Variants in KCNMA1 observed in about 807,000 individuals in gnomAD.
KCNMA1 encodes Calcium-activated potassium channel subunit alpha-1.
In KCNMA1, 29 loss-of-function variants were observed where a neutral mutation model predicts 140.0. The ratio of observed to expected loss-of-function variants is 0.21; its 90% CI spans 0.15 to 0.28. KCNMA1 has a LOEUF of 0.28. Ranked by LOEUF, KCNMA1 falls within the 10% of genes least tolerant of loss-of-function variation. KCNMA1 has a pLI of 1.00. For missense variants in KCNMA1, 880 were observed against 1,602.2 expected (o/e 0.55, Z 7.70); for synonymous variants, 612 against 611.9 (o/e 1.00, Z 0.00).
chr10:77,336,640 A>G (rs1457523), intron 2 of KCNMA1, among the ~76,000 whole-genome samples: 26,576 of 152,138 alleles, frequency 0.17, 2,492 homozygotes, highest in East Asian at 0.33. Flanking sequence ...ATTCTACTCA[A>G]TTTCAAATGG....
chr10:77,325,042 T>C (rs1049917468), intron 2 of KCNMA1, among the ~76,000 whole-genome samples: 2 of 151,684 alleles, frequency 1.3e-5, no homozygotes, highest in African/African-American at 4.8e-5. Flanking sequence ...TGATTTTTTA[T>C]TTTGAACTGA....
chr10:76,959,157 T>G (rs1232089805), intron 20 of KCNMA1, among the ~76,000 whole-genome samples: 2 of 152,170 alleles, frequency 1.3e-5, no homozygotes, highest in African/African-American at 2.4e-5. Flanking sequence ...TGGTAACTTC[T>G]CTCCGTCTTT....
chr10:77,541,059 C>A (rs1027141322), intron 1 of KCNMA1, among the ~76,000 whole-genome samples: 1 of 149,344 alleles, frequency 6.7e-6, no homozygotes, highest in African/African-American at 2.5e-5. Flanking sequence ...AGCTTATGAA[C>A]CAACAAAATT....
At chr10:77,340,569 G>A (rs556868026) in intron 2 of KCNMA1, among the ~76,000 whole-genome samples, 1 of 152,206 alleles carries the variant, frequency 6.6e-6, no homozygotes, top group African/African-American at 2.4e-5. Flanking sequence ...GTAGGGACAT[G>A]GATGAAGCTG....
At chr10:77,187,584 C>T (rs145462854) in intron 3 of KCNMA1, among the ~76,000 whole-genome samples, 79 of 152,304 alleles carry the variant, frequency 5.2e-4, no homozygotes, top group African/African-American at 1.8e-3. Context: ...ATGCCGCTGG[C>T]GCGGGTGGCT....
chr10:76,920,229 G>T (rs1385053542), intron 23 of KCNMA1, among the ~76,000 whole-genome samples: 1 of 151,196 alleles, frequency 6.6e-6, no homozygotes, highest in African/African-American at 2.4e-5. Context: ...GAATACTCTA[G>T]ACCTAAACTG....
At chr10:77,438,239 T>G (rs1164914318) in intron 1 of KCNMA1, among the ~76,000 whole-genome samples, 2 of 152,038 alleles carry the variant, frequency 1.3e-5, no homozygotes, top group Non-Finnish European at 2.9e-5. Context: ...TAGACTTTCA[T>G]GTGGGCTCTA....
chr10:77,322,856 A>T (rs565082181), intron 2 of KCNMA1, among the ~76,000 whole-genome samples: 21 of 152,324 alleles, frequency 1.4e-4, no homozygotes, highest in Non-Finnish European at 2.2e-4. Flanking sequence ...TCCCTGGGCA[A>T]TCCAATGCAC....
intron 1 of KCNMA1, among the ~76,000 whole-genome samples, chr10:77,507,751 C>T (rs2046667962): frequency 6.6e-6 from 1 of 152,242 alleles, no homozygotes; most frequent in South Asian, 2.1e-4. Flanking sequence ...CTTTCTCACA[C>T]ACTTTTGGTG....
chr10:77,515,100 A>G (rs898607031), intron 1 of KCNMA1, among the ~76,000 whole-genome samples: 1 of 152,134 alleles, frequency 6.6e-6, no homozygotes. Context: ...AATTTGCAGA[A>G]GCACAATCCT....
chr10:77,024,933 G>A (rs1301571411), intron 16 of KCNMA1, among the ~76,000 whole-genome samples: 2 of 152,056 alleles, frequency 1.3e-5, no homozygotes, highest in African/African-American at 4.8e-5. Flanking sequence ...CTCGACACAG[G>A]GAGGAGGAGG....
At chr10:76,935,279 C>G (rs2060264413) in intron 23 of KCNMA1, among the ~76,000 whole-genome samples, 1 of 152,254 alleles carries the variant, frequency 6.6e-6, no homozygotes, top group African/African-American at 2.4e-5. Flanking sequence ...GGCTGGCACA[C>G]CTTGAGCACT....
At chr10:77,479,580 T>C (rs682275) in intron 1 of KCNMA1, among the ~76,000 whole-genome samples, 84,040 of 151,874 alleles carry the variant, frequency 0.55, 23,536 homozygotes, top group East Asian at 0.68. Context: ...ACACATTGTC[T>C]CATTAAATCC....
chr10:77,261,267 G>C (rs1384640536), intron 2 of KCNMA1, among the ~76,000 whole-genome samples: 1 of 152,102 alleles, frequency 6.6e-6, no homozygotes, highest in East Asian at 1.9e-4. Context: ...TGCAATCATG[G>C]ACTTTTTTTT....
chr10:77,066,517 G>A lies in KCNMA1; in HGVS notation c.1749+6580C>T, dbSNP rs139761176. Among the ~76,000 whole-genome samples, 945 of 152,304 alleles carry A rather than the reference G, an allele frequency of 6.2e-3. 11 individuals are homozygous for A. Among genetic ancestry groups the A allele is most frequent in the African/African-American group, 0.021 (887 of 41,560 alleles). On this transcript the variant is annotated intron_variant, in intron 14 of 27. Transcript: ENST00000286628. ...TTGTGGAATGGTAAGTCTGAGAGGA[G>A]ATGGGGTATTCAAATGTAGGTGTTG...
intron 19 of KCNMA1, among the ~76,000 whole-genome samples, chr10:76,991,522 T>C (rs1176211397): frequency 6.6e-6 from 1 of 152,234 alleles, no homozygotes; most frequent in Non-Finnish European, 1.5e-5. Context: ...ATATATATAC[T>C]ATATAGTAAG....
At chr10:77,295,981 T>C (rs985518673) in intron 2 of KCNMA1, among the ~76,000 whole-genome samples, 3 of 152,128 alleles carry the variant, frequency 2.0e-5, no homozygotes, top group African/African-American at 7.2e-5. Context: ...CAGTGCTCCC[T>C]GAGGCTCTGG....
intron 2 of KCNMA1, among the ~76,000 whole-genome samples, chr10:77,253,365 G>C (rs895218265): frequency 6.6e-6 from 1 of 152,246 alleles, no homozygotes; most frequent in African/African-American, 2.4e-5. Flanking sequence ...TTGCAGAAAA[G>C]GACTGGAAAG....
chr10:76,944,761 G>A lies in KCNMA1; in HGVS notation c.2902+12C>T. 1 of 1,612,382 alleles carries A rather than the reference G, an allele frequency of 6.2e-7. No homozygotes were observed. The highest frequency in any genetic ancestry group is 1.1e-5 in the South Asian group (1 of 91,020). ...GCAGGCACAGCAAAGAAGTATTACA[G>A]GCTGTCCTTACCTTGGGAATTAGCC... On this transcript the variant is annotated intron_variant, in intron 23 of 27. Coordinates refer to ENST00000286628, the MANE Select transcript of KCNMA1 (RefSeq NM_001161352.2).
Sources: allele counts gnomAD v4.1 joint callset (sites outside exome capture counted in the v4.1 genomes callset), GRCh38; gene constraint gnomAD v4.1.1; transcripts MANE v1.5; gene names NCBI Gene and HGNC (gene_info 2026-07-23, HGNC 2026-07-21).